The following EEFSEC variants were observed in gnomAD, a reference collection of about 807,000 sequenced individuals.
The protein encoded by EEFSEC is selenocysteine-specific elongation factor.
Under a neutral mutation model 42.1 loss-of-function variants are expected in EEFSEC, and 43 were observed. The ratio of observed to expected loss-of-function variants is 1.02; its 90% CI spans 0.80 to 1.32. EEFSEC has a LOEUF of 1.32. Among genes scored for constraint, EEFSEC ranks in the 40% most tolerant of loss-of-function variants. The pLI is 0.00. For synonymous variants in EEFSEC, 354 were observed against 339.1 expected, an observed-to-expected ratio of 1.04 and a Z score of -0.48; for missense variants, 745 against 803.6, an observed-to-expected ratio of 0.93 and a Z score of 0.88.
chr3:128,402,149 G>A (rs563772358), intron 6 of EEFSEC, among the ~76,000 whole-genome samples: 1 of 152,334 alleles, frequency 6.6e-6, no homozygotes, highest in South Asian at 2.1e-4. Context: ...CAGGGTCACA[G>A]TAGAAGCCTT....
At chr3:128,373,950 T>A (rs2067681974) in intron 6 of EEFSEC, among the ~76,000 whole-genome samples, 1 of 152,178 alleles carries the variant, frequency 6.6e-6, no homozygotes, top group Admixed American at 6.5e-5. Flanking sequence ...TTTCCACATG[T>A]CACTTGGCCA....
At chr3:128,301,058 C>T (rs1007025818) in intron 4 of EEFSEC, among the ~76,000 whole-genome samples, 1 of 152,128 alleles carries the variant, frequency 6.6e-6, no homozygotes. Context: ...CAAGCTCCAT[C>T]GATGGAGAAG....
intron 4 of EEFSEC, among the ~76,000 whole-genome samples, chr3:128,336,220 G>A (rs943629219): frequency 7.9e-5 from 12 of 152,058 alleles, no homozygotes; most frequent in African/African-American, 2.9e-4. Context: ...TTACACATCA[G>A]CTGTTCTTTA....
chr3:128,264,526 A>ACTG, intron 3 of EEFSEC, 91 bp from the exon 4 acceptor site: 2 of 1,446,484 alleles, frequency 1.4e-6, no homozygotes, highest in Non-Finnish European at 1.9e-6. Flanking sequence ...GCCTTGATGA[A>ACTG]CTGCTGGTCA....
chr3:128,264,858 C>A, intron 4 of EEFSEC, 77 bp downstream of exon 4: 2 of 1,479,252 alleles, frequency 1.4e-6, no homozygotes, highest in South Asian at 1.3e-5. Context: ...GTCTGTTCAG[C>A]TGCTGAGCCT....
rs569170107 is a variant in EEFSEC at position 128,227,459 on chromosome 3, G to A, written c.317-19377G>A. Among the ~76,000 whole-genome samples, 5 of 152,226 alleles carry A rather than the reference G, an allele frequency of 3.3e-5. No homozygotes were observed. In the South Asian group the frequency reaches 8.3e-4, roughly 25 times the overall value. ...GTTTGAGTCAGGGCCCTGAGCACTG[G>A]CCCAAGCCCTTCCAGCACCTTCAGC... On this transcript the variant is annotated intron_variant, in intron 1 of 6. Transcript: ENST00000254730.
chr3:128,420,119 G>T, the EEFSEC span, among the ~76,000 whole-genome samples: 57 of 152,092 alleles, frequency 3.7e-4, 1 homozygote, highest in Non-Finnish European at 1.0e-4. Context: ...AAAAGAAGTA[G>T]AGGGGGAGAA....
intron 3 of EEFSEC, 93 bp downstream of exon 3, chr3:128,262,317 G>A (rs2066307272): frequency 8.6e-7 from 1 of 1,169,356 alleles, no homozygotes; most frequent in Non-Finnish European, 1.3e-6. Context: ...GAGAAAGAGA[G>A]GCAGCCCTAG....
chr3:128,233,064 T>C (rs1014126857), intron 1 of EEFSEC, among the ~76,000 whole-genome samples: 4 of 152,236 alleles, frequency 2.6e-5, no homozygotes, highest in Admixed American at 6.5e-5. Flanking sequence ...TCATTAATGC[T>C]CTGGCTTAGC....
intron 1 of EEFSEC, among the ~76,000 whole-genome samples, chr3:128,186,320 A>G (rs1395760172): frequency 1.3e-5 from 2 of 152,308 alleles, no homozygotes; most frequent in African/African-American, 4.8e-5. Context: ...TATATTCTAG[A>G]TAGTTCCTTA....
intron 4 of EEFSEC, among the ~76,000 whole-genome samples, chr3:128,340,448 A>C (rs762707679): frequency 1.3e-5 from 2 of 151,506 alleles, no homozygotes; most frequent in Admixed American, 6.6e-5. Context: ...GAATTAATAT[A>C]TATAATTTTT....
intron 6 of EEFSEC, among the ~76,000 whole-genome samples, chr3:128,387,083 C>T (rs574057095): frequency 9.8e-5 from 15 of 152,322 alleles, no homozygotes; most frequent in African/African-American, 3.1e-4. Flanking sequence ...TGCCTGGTGG[C>T]GCGTGGGCAG....
At chr3:128,411,360 T>C (rs938240069), downstream of EEFSEC, among the ~76,000 whole-genome samples, 20 of 152,158 alleles carry the variant, frequency 1.3e-4, no homozygotes, top group Non-Finnish European at 2.6e-4. Context: ...ACAGCAGTGA[T>C]GTGGCAGCAG....
chr3:128,414,487 C>T, the EEFSEC span, among the ~76,000 whole-genome samples: 3 of 152,180 alleles, frequency 2.0e-5, no homozygotes, highest in African/African-American at 7.2e-5. Context: ...CTGGAAATTC[C>T]CCAAGGACTC....
At chr3:128,192,000 T>C (rs758368542) in intron 1 of EEFSEC, among the ~76,000 whole-genome samples, 3 of 152,090 alleles carry the variant, frequency 2.0e-5, no homozygotes, top group Non-Finnish European at 4.4e-5. Flanking sequence ...CTGGATAAAG[T>C]GGTATCAATG....
intron 5 of EEFSEC, among the ~76,000 whole-genome samples, chr3:128,342,727 G>A (rs2067269630): frequency 6.6e-6 from 1 of 152,240 alleles, no homozygotes; most frequent in Non-Finnish European, 1.5e-5. Context: ...GGCTGGTCCT[G>A]TGGTGCATCA....
At chr3:128,159,735 C>T (rs1265214154) in intron 1 of EEFSEC, among the ~76,000 whole-genome samples, 1 of 152,194 alleles carries the variant, frequency 6.6e-6, no homozygotes, top group Non-Finnish European at 1.5e-5. Context: ...CTGTTGTTGC[C>T]TCTGTTTGGT....
rs554979198 is a variant in EEFSEC, at chr3:128,325,315, G to A, written c.787-15918G>A. ...TTGGACCCAAGCCTCTGTGCCTCAG[G>A]CCCAGCCATTGCTGTGGCCAAATGA... On this transcript the variant is annotated intron_variant, in intron 4 of 6. Coordinates refer to ENST00000254730, the MANE Select transcript of EEFSEC (RefSeq NM_021937.5). Among the ~76,000 whole-genome samples the A allele has an allele frequency of 5.9e-5, 9 of 152,334 alleles. 1 individual carries two copies. In the East Asian group the frequency reaches 1.7e-3, roughly 29 times the overall value.
At chr3:128,316,880 T>C (rs1202514929) in intron 4 of EEFSEC, among the ~76,000 whole-genome samples, 2 of 152,196 alleles carry the variant, frequency 1.3e-5, no homozygotes, top group African/African-American at 4.8e-5. Flanking sequence ...AAATTTATAA[T>C]CCCAGCCCCG....
Sources: gnomAD v4.1 joint callset for allele counts (sites outside exome capture counted in the v4.1 genomes callset) on GRCh38, gnomAD v4.1.1 for gene constraint, MANE v1.5 for transcripts, NCBI Gene and HGNC (gene_info 2026-07-23, HGNC 2026-07-21) for gene names.